The following ZFYVE16 variants were observed in gnomAD, a reference collection of about 807,000 sequenced individuals.
The protein encoded by ZFYVE16 is zinc finger FYVE domain-containing protein 16.
In ZFYVE16, 89 loss-of-function variants were observed where a neutral mutation model predicts 138.1. The observed-to-expected ratio is 0.64, with a 90% CI of 0.54 to 0.77. The LOEUF (loss-of-function observed/expected upper bound fraction) is 0.77. Among genes scored for constraint, ZFYVE16 ranks in the 30% least tolerant of loss-of-function variants. The probability of loss-of-function intolerance (pLI) is 0.00; values close to 1 mark genes in which losing one functional copy is unlikely to be tolerated. For missense variants in ZFYVE16, 1,793 were observed against 1,786.7 expected (o/e 1.00, Z -0.06); for synonymous variants, 596 against 618.3 (o/e 0.96, Z 0.53).
intron 15 of ZFYVE16, among the ~76,000 whole-genome samples, chr5:80,462,106 C>T (rs993567187): frequency 6.6e-6 from 1 of 152,174 alleles, no homozygotes; most frequent in South Asian, 2.1e-4. Context: ...CTTCAACATA[C>T]GAATTCTGGG....
At chr5:80,416,072 C>A (rs1001890641) in intron 1 of ZFYVE16, among the ~76,000 whole-genome samples, 2 of 152,032 alleles carry the variant, frequency 1.3e-5, no homozygotes, top group African/African-American at 4.8e-5. Context: ...TTTCTGTATT[C>A]TTTACTAGAA....
chr5:80,449,453 G>A (rs984547576), intron 8 of ZFYVE16, 138 bp from the exon 9 acceptor site: 2 of 840,422 alleles, frequency 2.4e-6, no homozygotes, highest in African/African-American at 1.7e-5. Flanking sequence ...TGTCTGGGGT[G>A]TTGATTTTAT....
At chr5:80,445,138 C>A in intron 6 of ZFYVE16, 125 bp from the exon 7 acceptor site, 2 of 971,896 alleles carry the variant, frequency 2.1e-6, no homozygotes, top group Non-Finnish European at 3.0e-6. Context: ...ATCTTTGTAG[C>A]CCTGAGAATT....
intron 2 of ZFYVE16, among the ~76,000 whole-genome samples, chr5:80,427,767 C>T (rs938205863): frequency 2.1e-4 from 31 of 150,604 alleles, no homozygotes; most frequent in African/African-American, 5.6e-4. Flanking sequence ...TTGAGGTCAT[C>T]GAGACAGCCT....
intron 1 of ZFYVE16, among the ~76,000 whole-genome samples, chr5:80,418,757 T>G (rs1746633136): frequency 6.6e-6 from 1 of 152,178 alleles, no homozygotes; most frequent in African/African-American, 2.4e-5. Context: ...AGTGCAAGTT[T>G]TACATTTTAA....
chr5:80,469,315 A>T (rs1754062842), intron 15 of ZFYVE16, among the ~76,000 whole-genome samples: 1 of 151,908 alleles, frequency 6.6e-6, no homozygotes, highest in Non-Finnish European at 1.5e-5. Flanking sequence ...TATGTTGCCC[A>T]GGCTGGGGCT....
chr5:80,458,960 T>G (rs111933343), intron 14 of ZFYVE16, among the ~76,000 whole-genome samples: 1,663 of 152,308 alleles, frequency 0.011, 32 homozygotes, highest in African/African-American at 0.037. Context: ...AGACAGAATC[T>G]CGCTCTGTCG....
intron 1 of ZFYVE16, among the ~76,000 whole-genome samples, chr5:80,414,026 A>G (rs1411959188): frequency 1.3e-5 from 2 of 152,220 alleles, no homozygotes; most frequent in African/African-American, 4.8e-5. Flanking sequence ...CATTTTAACT[A>G]TGTAAATATT....
In ZFYVE16 at chr5:80,482,833, A is replaced by T. The variant is rs1755319545; in HGVS notation, c.*5456A>T. The T allele has an allele frequency of 6.6e-6, 1 of 152,158 alleles. No homozygotes were observed. The highest frequency in any genetic ancestry group is 1.5e-5 in the Non-Finnish European group (1 of 68,024). The allele number at this position is 152,158 out of a possible 1,614,324, so 9.4% of individuals were successfully genotyped here. A position where few individuals can be genotyped will look rare whatever the true frequency, so the allele number is the denominator to read the frequency against. ...CCAGCAAATATATTCTTTAGGAAAGAAAATGAAATAAAGACATTTTCTTTT... is the reference window on the plus strand; with the variant it reads ...CCAGCAAATATATTCTTTAGGAAAGTAAATGAAATAAAGACATTTTCTTTT... On this transcript the variant is annotated 3_prime_UTR_variant, in exon 19 of 19. Coordinates refer to ENST00000505560, the MANE Select transcript of ZFYVE16 (RefSeq NM_001284236.3).
chr5:80,474,931 G>T (rs539195261), intron 18 of ZFYVE16, 101 bp downstream of exon 18: 2 of 1,288,950 alleles, frequency 1.6e-6, no homozygotes, highest in South Asian at 3.0e-5. Context: ...ACGAAAATTT[G>T]TTGAGCATCA....
At position 80,408,115 on chromosome 5, in the gene ZFYVE16, T is replaced by C. The variant is rs1744866476; in HGVS notation, c.-132T>C. ...CTCTTCACTCCTCAGCGCGACGTCG[T>C]GTCGAGTTCCCAAAAAGCTCCGCAG... On this transcript the variant is annotated 5_prime_UTR_variant, in exon 1 of 19. Transcript: ENST00000505560. 2.0e-5 allele frequency: 3 copies of C among 152,194 alleles called. No individual in the cohort carries two copies. Among genetic ancestry groups the C allele is most frequent in the South Asian group, 4.1e-4 (2 of 4,832 alleles). The allele number at this position is 152,194 out of a possible 1,614,324, so 9.4% of individuals were successfully genotyped here. A position where few individuals can be genotyped will look rare whatever the true frequency, so the allele number is the denominator to read the frequency against.
At position 80,437,416 on chromosome 5, in the gene ZFYVE16, T is replaced by C. The variant is rs774164228; in HGVS notation, c.731T>C (p.Met244Thr). 1.0e-5 allele frequency: 16 copies of C among 1,604,478 alleles called. No homozygotes were observed. The South Asian group carries it at 1.8e-4, about 18-fold the overall frequency. Residue 244 changes from methionine to threonine, a missense_variant, in exon 4 of 19, where the codon ATG becomes ACG. Physicochemically the swap from Met to Thr is moderately conservative, Grantham distance 81 (BLOSUM62 -1). Around this residue, in one of 2 missense-constraint regions of ZFYVE16, gnomAD observed 1,295 missense variants for 1,204.3 expected, o/e 1.08. Coordinates refer to ENST00000505560, the MANE Select transcript of ZFYVE16 (RefSeq NM_001284236.3). ...TTAGAATCAATTGTTGATTTTAACA[T>C]GTCATCTGCTTTGACTCGACAAAGT... Reference protein sequence around the residue: ...NQLESIVDFNMSSALTRQSSK... With the variant: ...NQLESIVDFNTSSALTRQSSK...
chr5:80,459,382 T>G (rs1022666476), intron 14 of ZFYVE16, 32 bp from the exon 15 acceptor site: 8 of 1,600,024 alleles, frequency 5.0e-6, no homozygotes, highest in Non-Finnish European at 6.0e-6. Flanking sequence ...ATGAGCAGTT[T>G]AAAACAAATA....
At position 80,479,444 on chromosome 5, in the gene ZFYVE16, T is replaced by C. The variant is rs1226012891; in HGVS notation, c.*2067T>C. 1 of 152,192 alleles carries C rather than the reference T, an allele frequency of 6.6e-6. No homozygotes were observed. Among genetic ancestry groups the C allele is most frequent in the Non-Finnish European group, 1.5e-5 (1 of 68,020 alleles). The allele number at this position is 152,192 out of a possible 1,614,324, so 9.4% of individuals were successfully genotyped here. ...AGCAAAAATTTCTAAAAATGATTAATTGTTCTGACAGAATTAGGCGTAGTT... is the reference window on the plus strand; with the variant it reads ...AGCAAAAATTTCTAAAAATGATTAACTGTTCTGACAGAATTAGGCGTAGTT... On this transcript the variant is annotated 3_prime_UTR_variant, in exon 19 of 19. Coordinates refer to ENST00000505560, the MANE Select transcript of ZFYVE16 (RefSeq NM_001284236.3).
At chr5:80,413,431 A>T (rs907870656) in intron 1 of ZFYVE16, among the ~76,000 whole-genome samples, 1 of 143,116 alleles carries the variant, frequency 7.0e-6, no homozygotes, top group African/African-American at 2.5e-5. Context: ...AGATCGCGAT[A>T]TTGCACTCCA....
At position 80,480,803 on chromosome 5, in the gene ZFYVE16, C is replaced by G. The variant is rs1755240036; in HGVS notation, c.*3426C>G. Among the ~76,000 whole-genome samples, 2 of 151,948 alleles carry G rather than the reference C, an allele frequency of 1.3e-5. No homozygotes were observed. Among genetic ancestry groups the G allele is most frequent in the Admixed American group, 1.3e-4 (2 of 15,246 alleles). On this transcript the variant is annotated 3_prime_UTR_variant, in exon 19 of 19. Transcript: ENST00000505560. The stretch of plus-strand genomic sequence containing the variant: ...AGGTGTGGTGGCTCATACTTGTGGT[C>G]CCAGCTTCACGGGGGCTGAGGTGGG...
rs554659234 is a variant in ZFYVE16 at position 80,436,852 on chromosome 5, T to G, written c.167T>G (p.Leu56Arg). The change falls in exon 4 of 19, where the codon CTC becomes CGC. Residue 56 changes from leucine (L) to arginine (R), a missense_variant. Transcript: ENST00000505560. ...GCTTCCTCACAGCGAACTTCATTGC[T>G]CCCAAAAGACCAAGAGTGCGTTAAT... is the stretch of plus-strand genomic sequence containing the variant. ...ELASSQRTSLLPKDQECVNSC... is the reference protein window; with the variant it reads ...ELASSQRTSLRPKDQECVNSC... The G allele has an allele frequency of 6.2e-7, 1 of 1,614,072 alleles. No individual in the cohort carries two copies. The highest frequency in any genetic ancestry group is 2.2e-5 in the East Asian group (1 of 44,870).
chr5:80,433,956 C>T (rs1337929771), intron 2 of ZFYVE16, among the ~76,000 whole-genome samples, 153 bp from the exon 3 acceptor site: 1 of 152,244 alleles, frequency 6.6e-6, no homozygotes, highest in South Asian at 2.1e-4. Flanking sequence ...TATACAGGGG[C>T]AGTTTCCCCA....
chr5:80,455,007 A>G (rs1257260329), intron 11 of ZFYVE16: 4 of 152,328 alleles, frequency 2.6e-5, no homozygotes, highest in African/African-American at 7.2e-5. Context: ...TGGAAACAAG[A>G]TGTATAATGA....
Sources: allele counts gnomAD v4.1 joint callset (sites outside exome capture counted in the v4.1 genomes callset), GRCh38; gene constraint gnomAD v4.1.1; regional missense constraint gnomAD v4.1.1; transcripts MANE v1.5; gene names NCBI Gene and HGNC (gene_info 2026-07-23, HGNC 2026-07-21).